SLC4A10: variants seen among roughly 807,000 people sequenced by gnomAD.
SLC4A10 encodes the protein solute carrier family 4 member 10.
Under a neutral mutation model 137.7 loss-of-function variants are expected in SLC4A10, and 42 were observed. The ratio of observed to expected loss-of-function variants is 0.30; its 90% CI spans 0.24 to 0.39. The LOEUF (loss-of-function observed/expected upper bound fraction) is 0.39, where lower values mean the gene tolerates loss of function less well. SLC4A10 is among the 10% of genes least tolerant of loss of function. The pLI is 1.00. For synonymous variants in SLC4A10, 474 were observed against 464.1 expected (o/e 1.02, Z -0.27); for missense variants, 925 against 1,355.0 (o/e 0.68, Z 4.98).
chr2:161,911,181 G>A (rs766172491), intron 15 of SLC4A10, among the ~76,000 whole-genome samples: 1 of 151,822 alleles, frequency 6.6e-6, no homozygotes, highest in Non-Finnish European at 1.5e-5. Flanking sequence ...AATCTTGTTC[G>A]CTAAGTAAAG....
chr2:161,981,015 T>C (rs1700148605), intron 26 of SLC4A10, among the ~76,000 whole-genome samples: 1 of 152,228 alleles, frequency 6.6e-6, no homozygotes, highest in Admixed American at 6.5e-5. Flanking sequence ...CTTCATAGTT[T>C]GCTGAAATCT....
chr2:161,888,630 C>A (rs2062577792), intron 10 of SLC4A10, among the ~76,000 whole-genome samples: 1 of 152,166 alleles, frequency 6.6e-6, no homozygotes, highest in Non-Finnish European at 1.5e-5. Context: ...GACTTTTGCA[C>A]TTTGATTTTC....
At chr2:161,921,315 G>C (rs773246712) in intron 15 of SLC4A10, among the ~76,000 whole-genome samples, 6 of 152,124 alleles carry the variant, frequency 3.9e-5, no homozygotes, top group Non-Finnish European at 8.8e-5. Flanking sequence ...GACCTCTGGG[G>C]ACCAATTGGC....
At chr2:161,822,077 G>C (rs1161681060) in intron 3 of SLC4A10, among the ~76,000 whole-genome samples, 2 of 152,118 alleles carry the variant, frequency 1.3e-5, no homozygotes, top group African/African-American at 4.8e-5. Context: ...ATTCATAACT[G>C]TGAGGGTGTT....
At chr2:161,801,850 T>C (rs2055399942) in intron 2 of SLC4A10, among the ~76,000 whole-genome samples, 1 of 152,076 alleles carries the variant, frequency 6.6e-6, no homozygotes, top group South Asian at 2.1e-4. Flanking sequence ...GATAAAGTAC[T>C]TTTTTTAAAG....
chr2:161,767,113 A>G (rs1422173176), intron 1 of SLC4A10, among the ~76,000 whole-genome samples: 2 of 66,694 alleles, frequency 3.0e-5, no homozygotes, highest in African/African-American at 1.5e-4. Flanking sequence ...ATATATATAT[A>G]TATATATATA....
intron 3 of SLC4A10, among the ~76,000 whole-genome samples, chr2:161,818,964 T>C (rs1055272367): frequency 1.3e-5 from 2 of 152,096 alleles, no homozygotes; most frequent in African/African-American, 4.8e-5. Context: ...TCTGCCAGGG[T>C]TTGGTATCAG....
At chr2:161,817,504 T>G (rs1268465987) in intron 3 of SLC4A10, among the ~76,000 whole-genome samples, 3 of 152,174 alleles carry the variant, frequency 2.0e-5, no homozygotes, top group Non-Finnish European at 4.4e-5. Flanking sequence ...ATTTGTCAAT[T>G]TTGGCTTTTG....
rs765838335 is a variant in SLC4A10 at position 161,904,925 on chromosome 2, T to C, written c.1751+16T>C. The C allele has an allele frequency of 1.2e-6, 2 of 1,612,386 alleles. No homozygotes were observed. The highest frequency in any genetic ancestry group is 1.7e-6 in the Non-Finnish European group (2 of 1,178,896). On this transcript the variant is annotated intron_variant, in intron 14 of 26. Transcript: ENST00000446997. ...AATTTTGCAAGTAAGTGTTATGTAC[T>C]TTTTGGCCCTTAGCCTCTTCCTTTT... is the stretch of plus-strand genomic sequence containing the variant.
At chr2:161,759,668 C>T (rs2050038783) in intron 1 of SLC4A10, among the ~76,000 whole-genome samples, 2 of 151,972 alleles carry the variant, frequency 1.3e-5, no homozygotes, top group Non-Finnish European at 2.9e-5. Flanking sequence ...AATGTTTACT[C>T]AGGTCCTATG....
intron 21 of SLC4A10, among the ~76,000 whole-genome samples, 163 bp from the exon 22 acceptor site, chr2:161,963,972 A>G (rs1297487939): frequency 6.6e-6 from 1 of 152,184 alleles, no homozygotes; most frequent in Non-Finnish European, 1.5e-5. Context: ...AGTGTTTCAG[A>G]GGGTAAGCAT....
At chr2:161,688,631 G>T (rs2041675503) in intron 1 of SLC4A10, among the ~76,000 whole-genome samples, 1 of 151,968 alleles carries the variant, frequency 6.6e-6, no homozygotes, top group African/African-American at 2.4e-5. Context: ...TATTGGATAG[G>T]AATTAACTAA....
chr2:161,723,333 C>G (rs2045892979), intron 1 of SLC4A10, among the ~76,000 whole-genome samples: 1 of 152,154 alleles, frequency 6.6e-6, no homozygotes, highest in South Asian at 2.1e-4. Flanking sequence ...GGCTGTCACT[C>G]TACCCTGCTT....
At chr2:161,736,692 C>T (rs2047380348) in intron 1 of SLC4A10, among the ~76,000 whole-genome samples, 1 of 152,204 alleles carries the variant, frequency 6.6e-6, no homozygotes, top group South Asian at 2.1e-4. Flanking sequence ...TAGGTCCCTC[C>T]CATGACACAT....
chr2:161,978,378 C>T (rs1468974770), intron 26 of SLC4A10, among the ~76,000 whole-genome samples: 3 of 67,318 alleles, frequency 4.5e-5, no homozygotes, highest in East Asian at 4.8e-4. Flanking sequence ...CAGAGAGAGA[C>T]TCTGTCAAAA....
At chr2:161,734,123 G>C (rs1389202231) in intron 1 of SLC4A10, among the ~76,000 whole-genome samples, 1 of 152,148 alleles carries the variant, frequency 6.6e-6, no homozygotes, top group African/African-American at 2.4e-5. Context: ...ATGCTGAAAT[G>C]AATTAAGACT....
chr2:161,849,140 T>C (rs2059675045), intron 4 of SLC4A10, among the ~76,000 whole-genome samples: 1 of 152,218 alleles, frequency 6.6e-6, no homozygotes, highest in South Asian at 2.1e-4. Context: ...GTTGTATTCC[T>C]AGGTATTTTA....
chr2:161,858,923 A>AT (rs996083554), intron 5 of SLC4A10, among the ~76,000 whole-genome samples: 3 of 152,154 alleles, frequency 2.0e-5, no homozygotes, highest in Non-Finnish European at 4.4e-5. Flanking sequence ...ATAACCATAT[A>AT]TTTTTTAACC....
At chr2:161,822,569 A>C (rs766804045) in intron 3 of SLC4A10, among the ~76,000 whole-genome samples, 3 of 152,224 alleles carry the variant, frequency 2.0e-5, no homozygotes, top group Non-Finnish European at 4.4e-5. Flanking sequence ...CTAATTAAAA[A>C]TGCAGTTGAC....
Sources: allele counts gnomAD v4.1 joint callset (sites outside exome capture counted in the v4.1 genomes callset), GRCh38; gene constraint gnomAD v4.1.1; transcripts MANE v1.5; gene names NCBI Gene and HGNC (gene_info 2026-07-23, HGNC 2026-07-21).